Variants in SCUBE3 observed in about 807,000 individuals in gnomAD.
The protein encoded by SCUBE3 is signal peptide, CUB domain and EGF like domain containing 3.
SCUBE3 carries 33 observed loss-of-function variants against 116.8 expected under a neutral mutation model. The observed-to-expected ratio is 0.28, with a 90% CI of 0.21 to 0.38. The LOEUF is 0.38. Among genes scored for constraint, SCUBE3 ranks in the 10% least tolerant of loss-of-function variants. The pLI, the probability that SCUBE3 is intolerant of heterozygous loss-of-function variation, is 1.00. For missense variants in SCUBE3, 1,007 were observed against 1,324.8 expected (o/e 0.76, Z 3.72); for synonymous variants, 418 against 496.9 (o/e 0.84, Z 2.11).
At position 35,231,148 on chromosome 6, in the gene SCUBE3, G is replaced by A. The variant is rs965840701; in HGVS notation, c.335-577G>A. ...GAATATGGCAGCAAGCCCAGGCACA[G>A]GGGGGAGGGGAGGAAGGACAGGGCT... On this transcript the variant is annotated intron_variant, in intron 3 of 21. Coordinates refer to ENST00000274938, the MANE Select transcript of SCUBE3 (RefSeq NM_152753.4). This position sits in a 1 kb window ranked among gnomAD's most constrained non-coding sequence, Gnocchi z 4.2. 6.6e-6 allele frequency among the ~76,000 whole-genome samples: 1 copy of A among 152,070 alleles called. No homozygotes were observed. Among genetic ancestry groups the A allele is most frequent in the African/African-American group, 2.4e-5 (1 of 41,378 alleles).
intron 1 of SCUBE3, among the ~76,000 whole-genome samples, chr6:35,225,286 T>C (rs1356227222): frequency 6.6e-6 from 1 of 152,104 alleles, no homozygotes; most frequent in Non-Finnish European, 1.5e-5. Context: ...TAGAGAAGGG[T>C]AGAGCTGGAT....
At chr6:35,224,851 C>T (rs944856697) in intron 1 of SCUBE3, among the ~76,000 whole-genome samples, 4 of 152,062 alleles carry the variant, frequency 2.6e-5, no homozygotes, top group African/African-American at 7.2e-5. Context: ...GACCAGTATC[C>T]GTGCTGCTGG....
Position 35,231,398 on chromosome 6 carries a change from CCT to C in SCUBE3, c.335-324_335-323del, listed in dbSNP as rs1562047877. Among the ~76,000 whole-genome samples, 1 of 152,210 alleles carries C rather than the reference CCT, an allele frequency of 6.6e-6. No individual in the cohort carries two copies. Among genetic ancestry groups the C allele is most frequent in the Non-Finnish European group, 1.5e-5 (1 of 68,046 alleles). On this transcript the variant is annotated intron_variant, in intron 3 of 21. Transcript: ENST00000274938. The surrounding 1 kb of genome is among the most constrained non-coding windows in gnomAD (Gnocchi z 4.2). ...CTCCATCCTTACCTTCATCACTGTT[CCT>C]CTTTCTCTGGCTTCTTTCCTGGTGT...
At position 35,219,910 on chromosome 6, in the gene SCUBE3, A is replaced by G. The variant is rs1783060713; in HGVS notation, c.85+5407A>G. On this transcript the variant is annotated intron_variant, in intron 1 of 21. Transcript: ENST00000274938. This position sits in a 1 kb window ranked among gnomAD's most constrained non-coding sequence, Gnocchi z 4.7. ...AGCATAGTGAATCCAAGGGCAGGCA[A>G]CACCTGCCCACTGTTGCATTGCCCA... Among the ~76,000 whole-genome samples the G allele has an allele frequency of 6.6e-6, 1 of 152,170 alleles. No individual in the cohort carries two copies. The highest frequency in any genetic ancestry group is 2.4e-5 in the African/African-American group (1 of 41,434).
In SCUBE3 at chr6:35,243,057, A is replaced by C. The variant is rs757919801; in HGVS notation, c.1730A>C (p.Glu577Ala). Reference protein sequence around the residue: ...CGLPCLRQRMERRLKGSLKML... With the variant: ...CGLPCLRQRMARRLKGSLKML... ...CTGCCCTGCCTCCGACAGCGAATGG[A>C]ACGGCGGCTGAAAGGATCCCTGAAG... is the stretch of plus-strand genomic sequence containing the variant. Residue 577 changes from glutamate to alanine, a missense_variant, in exon 15 of 22, where the codon GAA becomes GCA. Physicochemically the swap from Glu to Ala is moderately radical, Grantham distance 107. Coordinates refer to ENST00000274938, the MANE Select transcript of SCUBE3 (RefSeq NM_152753.4). The surrounding 1 kb of genome is among the most constrained non-coding windows in gnomAD (Gnocchi z 6.6). 5 of 1,614,116 alleles carry C rather than the reference A, an allele frequency of 3.1e-6. No homozygotes were observed. In the South Asian group the frequency reaches 5.5e-5, roughly 18 times the overall value.
rs1425127352 is a variant in SCUBE3 at position 35,243,784 on chromosome 6, G to A, written c.2071+29G>A. The stretch of plus-strand genomic sequence containing the variant: ...CCAGGGGAACAAACAATACAGAGTG[G>A]GGTAGGGTGGGCACTGGGATGCCCA... On this transcript the variant is annotated intron_variant, in intron 16 of 21. Coordinates refer to ENST00000274938, the MANE Select transcript of SCUBE3 (RefSeq NM_152753.4). The surrounding 1 kb of genome is among the most constrained non-coding windows in gnomAD (Gnocchi z 6.6). The A allele has an allele frequency of 6.2e-6, 10 of 1,606,150 alleles. No individual in the cohort carries two copies. Among genetic ancestry groups the A allele is most frequent in the Non-Finnish European group, 7.7e-6 (9 of 1,173,798 alleles).
Position 35,244,281 on chromosome 6 carries a change from G to A in SCUBE3, c.2239+151G>A, listed in dbSNP as rs1784232423. The A allele has an allele frequency of 1.5e-6, 1 of 675,094 alleles. No individual in the cohort carries two copies. Among genetic ancestry groups the A allele is most frequent in the Admixed American group, 2.8e-5 (1 of 35,562 alleles). The allele number at this position is 675,094 out of a possible 1,614,324, so 41.8% of individuals were successfully genotyped here. A position where few individuals can be genotyped will look rare whatever the true frequency, so the allele number is the denominator to read the frequency against. Reference sequence around the variant, plus strand: ...GACCAACCATACCATCCTGCTTCCAGGACCCACCCTGCCCCTCCACTAGTC... The same window carrying A: ...GACCAACCATACCATCCTGCTTCCAAGACCCACCCTGCCCCTCCACTAGTC... On this transcript the variant is annotated intron_variant, in intron 17 of 21. Coordinates refer to ENST00000274938, the MANE Select transcript of SCUBE3 (RefSeq NM_152753.4). The surrounding 1 kb of genome is among the most constrained non-coding windows in gnomAD (Gnocchi z 4.3).
Position 35,244,808 on chromosome 6 carries a change from A to C in SCUBE3, c.2398A>C (p.Lys800Gln). 2 of 1,614,144 alleles carry C rather than the reference A, an allele frequency of 1.2e-6. No individual in the cohort carries two copies. Among genetic ancestry groups the C allele is most frequent in the Non-Finnish European group, 1.7e-6 (2 of 1,179,998 alleles). Residue 800 changes from lysine (K) to glutamine (Q), a missense_variant, in exon 18 of 22, where the codon AAG (lysine) becomes CAG (glutamine). By Grantham distance (53) the Lys-to-Gln change is moderately conservative. Transcript: ENST00000274938. The surrounding 1 kb of genome is among the most constrained non-coding windows in gnomAD (Gnocchi z 4.3). Reference sequence around the variant, plus strand: ...TGGCTCTACCAGTGTGGCCCAATGCAAGAGTACGTGGCAAGCCAGGCTGTG... The same window carrying C: ...TGGCTCTACCAGTGTGGCCCAATGCCAGAGTACGTGGCAAGCCAGGCTGTG... ...FDGSTSVAQC[K>Q]NRQCGGELGE...
intron 1 of SCUBE3, among the ~76,000 whole-genome samples, chr6:35,225,560 A>G (rs1393578839): frequency 6.6e-6 from 1 of 152,174 alleles, no homozygotes; most frequent in African/African-American, 2.4e-5. Context: ...GTAAGTGTAG[A>G]CAGAGGCTCC....
rs1325653374 is a variant in SCUBE3, at chr6:35,228,895, AGGATGAAAAATCCTGCT to A, written c.334+167_334+183del. 2.0e-5 allele frequency among the ~76,000 whole-genome samples: 3 copies of A among 152,244 alleles called. No homozygotes were observed. Among genetic ancestry groups the A allele is most frequent in the Admixed American group, 1.3e-4 (2 of 15,288 alleles). Reference sequence around the variant, plus strand: ...GCCTCCCCTTTGAGACTGGCCACTTAGGATGAAAAATCCTGCTGGATGAAAAACATTAGAGGAAAAGC... The same window carrying A: ...GCCTCCCCTTTGAGACTGGCCACTTAGGATGAAAAACATTAGAGGAAAAGC... On this transcript the variant is annotated intron_variant, in intron 3 of 21. Coordinates refer to ENST00000274938, the MANE Select transcript of SCUBE3 (RefSeq NM_152753.4). This position sits in a 1 kb window ranked among gnomAD's most constrained non-coding sequence, Gnocchi z 4.9.
rs1784198254 is a variant in SCUBE3, at chr6:35,243,767, A to C, written c.2071+12A>C. 1 of 1,612,806 alleles carries C rather than the reference A, an allele frequency of 6.2e-7. No individual in the cohort carries two copies. The highest frequency in any genetic ancestry group is 8.5e-7 in the Non-Finnish European group (1 of 1,179,016). On this transcript the variant is annotated intron_variant, in intron 16 of 21. Coordinates refer to ENST00000274938, the MANE Select transcript of SCUBE3 (RefSeq NM_152753.4). This position sits in a 1 kb window ranked among gnomAD's most constrained non-coding sequence, Gnocchi z 6.6. ...CACCACGTGTGCAGGTGCCAGGGGA[A>C]CAAACAATACAGAGTGGGGTAGGGT...
Position 35,244,211 on chromosome 6 carries a change from AC to A in SCUBE3, c.2239+82del. The stretch of plus-strand genomic sequence containing the variant: ...AACTCTCCAATTTCCCAGAGGGGAC[AC>A]TGACCCACCATTTTCTCCAAACCAG... On this transcript the variant is annotated intron_variant, in intron 17 of 21. Coordinates refer to ENST00000274938, the MANE Select transcript of SCUBE3 (RefSeq NM_152753.4). This position sits in a 1 kb window ranked among gnomAD's most constrained non-coding sequence, Gnocchi z 4.3. 1 of 1,259,972 alleles carries A rather than the reference AC, an allele frequency of 7.9e-7. No homozygotes were observed. Among genetic ancestry groups the A allele is most frequent in the South Asian group, 1.4e-5 (1 of 71,834 alleles). The allele number at this position is 1,259,972 out of a possible 1,614,324, so 78.0% of individuals were successfully genotyped here. A position where few individuals can be genotyped will look rare whatever the true frequency, so the allele number is the denominator to read the frequency against.
In SCUBE3 at chr6:35,240,070, C is replaced by A. The variant is rs1337127060; in HGVS notation, c.952+196C>A. 6.6e-6 allele frequency among the ~76,000 whole-genome samples: 1 copy of A among 152,188 alleles called. No individual in the cohort carries two copies. Among genetic ancestry groups the A allele is most frequent in the African/African-American group, 2.4e-5 (1 of 41,438 alleles). Reference sequence around the variant, plus strand: ...CTCCATATCAAAGCATTCAGCCTGGCAAGGACTGAGGGATGGATTTCACCC... The same window carrying A: ...CTCCATATCAAAGCATTCAGCCTGGAAAGGACTGAGGGATGGATTTCACCC... On this transcript the variant is annotated intron_variant, in intron 8 of 21. Coordinates refer to ENST00000274938, the MANE Select transcript of SCUBE3 (RefSeq NM_152753.4). This position sits in a 1 kb window ranked among gnomAD's most constrained non-coding sequence, Gnocchi z 4.6.
intron 14 of SCUBE3, 60 bp downstream of exon 14, chr6:35,242,840 C>T (rs954966648): frequency 3.8e-6 from 6 of 1,587,588 alleles, no homozygotes; most frequent in Non-Finnish European, 5.2e-6. Context: ...GTGGGGAAAC[C>T]ACAGGTCTCA....
intron 6 of SCUBE3, among the ~76,000 whole-genome samples, chr6:35,234,666 T>A (rs1783687092): frequency 6.6e-6 from 1 of 152,202 alleles, no homozygotes; most frequent in African/African-American, 2.4e-5. Flanking sequence ...CCTGGACACA[T>A]TCACACATCC....
At chr6:35,223,029 T>G (rs1170715451) in intron 1 of SCUBE3, 1 of 151,950 alleles carries the variant, frequency 6.6e-6, no homozygotes, top group Non-Finnish European at 1.5e-5. Flanking sequence ...TCTAAAAATT[T>G]TAAAAAATTG....
chr6:35,246,569 G>A (rs1456782558), intron 21 of SCUBE3, among the ~76,000 whole-genome samples: 1 of 152,210 alleles, frequency 6.6e-6, no homozygotes, highest in Non-Finnish European at 1.5e-5. Context: ...AAGGGAAAGT[G>A]AGGAGAAGAA....
chr6:35,223,398 T>G (rs1384557257), intron 1 of SCUBE3: 1 of 152,216 alleles, frequency 6.6e-6, no homozygotes, highest in African/African-American at 2.4e-5. Context: ...CAGGTAGAGC[T>G]AGCAATTGAA....
intron 1 of SCUBE3, among the ~76,000 whole-genome samples, chr6:35,215,345 A>G (rs1306481439): frequency 6.6e-6 from 1 of 152,094 alleles, no homozygotes; most frequent in African/African-American, 2.4e-5. Context: ...GCAGGTCCCA[A>G]GGCTGTGCAG....
Sources: allele counts gnomAD v4.1 joint callset (sites outside exome capture counted in the v4.1 genomes callset), GRCh38; gene constraint gnomAD v4.1.1; non-coding constraint Gnocchi (gnomAD v3.1); transcripts MANE v1.5; gene names NCBI Gene and HGNC (gene_info 2026-07-23, HGNC 2026-07-21).